The following HPSE2 variants were observed in gnomAD, a reference collection of about 807,000 sequenced individuals.
The protein encoded by HPSE2 is heparanase 2 (inactive).
In HPSE2, 38 loss-of-function variants were observed where a neutral mutation model predicts 60.5. The observed-to-expected ratio is 0.63, with a 90% CI of 0.48 to 0.82. The LOEUF (loss-of-function observed/expected upper bound fraction) is 0.82, where lower values mean the gene tolerates loss of function less well. HPSE2 is among the 40% of genes least tolerant of loss of function. The pLI is 0.00. For synonymous variants in HPSE2, 295 were observed against 293.2 expected, an observed-to-expected ratio of 1.01 and a Z score of -0.06; for missense variants, 713 against 740.4, an observed-to-expected ratio of 0.96 and a Z score of 0.43.
chr10:98,868,774 A>C, intron 3 of HPSE2, among the ~76,000 whole-genome samples: 1 of 152,152 alleles, frequency 6.6e-6, no homozygotes, highest in East Asian at 1.9e-4. Flanking sequence ...GTATCATAGA[A>C]ATTTTGATTG....
At chr10:98,744,581 G>A (rs1175491124) in intron 3 of HPSE2, among the ~76,000 whole-genome samples, 1 of 151,946 alleles carries the variant, frequency 6.6e-6, no homozygotes, top group Admixed American at 6.6e-5. Context: ...AAGCAGCAGA[G>A]AGAATTCCAG....
At chr10:98,635,930 A>C (rs1946487420) in intron 7 of HPSE2, among the ~76,000 whole-genome samples, 1 of 152,200 alleles carries the variant, frequency 6.6e-6, no homozygotes, top group Non-Finnish European at 1.5e-5. Context: ...TGAGGCATAG[A>C]AAGATAAATA....
chr10:98,659,307 G>T (rs562931276), intron 6 of HPSE2, among the ~76,000 whole-genome samples: 2 of 151,984 alleles, frequency 1.3e-5, no homozygotes, highest in Middle Eastern at 6.8e-3. Flanking sequence ...GTACACTCAG[G>T]TTCTGCATCC....
At chr10:99,133,301 G>A (rs1845518739) in intron 3 of HPSE2, among the ~76,000 whole-genome samples, 1 of 152,202 alleles carries the variant, frequency 6.6e-6, no homozygotes, top group African/African-American at 2.4e-5. Flanking sequence ...AGGGGCAGCT[G>A]TGGGTGCAGT....
the HPSE2 span, among the ~76,000 whole-genome samples, chr10:99,286,300 T>G: frequency 6.6e-6 from 1 of 152,150 alleles, no homozygotes; most frequent in African/African-American, 2.4e-5. Context: ...CACAATAACC[T>G]AGAAGGTGAA....
At chr10:98,723,773 T>G (rs1019603729) in intron 4 of HPSE2, among the ~76,000 whole-genome samples, 1 of 152,210 alleles carries the variant, frequency 6.6e-6, no homozygotes. Flanking sequence ...TAGTATTCTC[T>G]GATGATAGTT....
intron 3 of HPSE2, among the ~76,000 whole-genome samples, chr10:99,131,691 T>C (rs1845391340): frequency 6.6e-6 from 1 of 152,050 alleles, no homozygotes; most frequent in Non-Finnish European, 1.5e-5. Flanking sequence ...GGAACTAAGT[T>C]ATGAGGATGC....
intron 9 of HPSE2, among the ~76,000 whole-genome samples, chr10:98,529,762 T>C (rs936473741): frequency 1.3e-4 from 20 of 152,210 alleles, no homozygotes; most frequent in Non-Finnish European, 2.9e-5. Context: ...CTATGCATGA[T>C]TGCCACTGTA....
At chr10:98,668,861 G>A (rs752935594) in intron 6 of HPSE2, among the ~76,000 whole-genome samples, 8 of 152,260 alleles carry the variant, frequency 5.3e-5, no homozygotes, top group East Asian at 1.9e-4. Context: ...TTGTGGCTAA[G>A]TCACCAAAAC....
At chr10:99,141,351 G>A (rs961112210) in intron 3 of HPSE2, among the ~76,000 whole-genome samples, 1 of 152,036 alleles carries the variant, frequency 6.6e-6, no homozygotes, top group African/African-American at 2.4e-5. Flanking sequence ...TGCTCTACTG[G>A]AATTACTCCA....
rs529791603 is a variant in HPSE2 at position 98,815,153 on chromosome 10, T to A, written c.611-71097A>T. On this transcript the variant is annotated intron_variant, in intron 3 of 11. Coordinates refer to ENST00000370552, the MANE Select transcript of HPSE2 (RefSeq NM_021828.5). The stretch of plus-strand genomic sequence containing the variant: ...ATAAAATTAGCCTGGTGTGGTAGCA[T>A]GCACCTGTGGTCCCAGTACTCAGGA... Among the ~76,000 whole-genome samples, 9 of 152,190 alleles carry A rather than the reference T, an allele frequency of 5.9e-5. No homozygotes were observed. The East Asian group carries it at 1.5e-3, about 26-fold the overall frequency.
chr10:98,831,075 C>G (rs1951672642), intron 3 of HPSE2, among the ~76,000 whole-genome samples: 1 of 152,132 alleles, frequency 6.6e-6, no homozygotes. Flanking sequence ...TTTCCTTATA[C>G]AACAGCACAT....
At chr10:99,121,889 G>A (rs1229633710) in intron 3 of HPSE2, among the ~76,000 whole-genome samples, 1 of 152,052 alleles carries the variant, frequency 6.6e-6, no homozygotes, top group Non-Finnish European at 1.5e-5. Context: ...GCTATCAACA[G>A]AAGATCAATT....
At chr10:98,718,537 C>T (rs1589699308) in intron 5 of HPSE2, among the ~76,000 whole-genome samples, 1 of 152,176 alleles carries the variant, frequency 6.6e-6, no homozygotes, top group East Asian at 1.9e-4. Flanking sequence ...ATGGAATCAA[C>T]CTGTGTCCAT....
At chr10:98,997,465 G>A (rs182477778) in intron 3 of HPSE2, among the ~76,000 whole-genome samples, 6 of 152,188 alleles carry the variant, frequency 3.9e-5, no homozygotes, top group Admixed American at 3.3e-4. Context: ...CATCTTAGAG[G>A]CCTTTGATTA....
chr10:99,109,683 G>T (rs1454402152), intron 3 of HPSE2, among the ~76,000 whole-genome samples: 2 of 152,040 alleles, frequency 1.3e-5, no homozygotes, highest in African/African-American at 4.8e-5. Flanking sequence ...AATCAATGTG[G>T]GCCCTGTGTT....
At chr10:98,577,437 T>C (rs1238316343) in intron 9 of HPSE2, among the ~76,000 whole-genome samples, 2 of 152,300 alleles carry the variant, frequency 1.3e-5, no homozygotes, top group Admixed American at 1.3e-4. Context: ...CCCAATGTTA[T>C]TGCTCTGTGG....
At chr10:98,931,942 A>G (rs1954652435) in intron 3 of HPSE2, among the ~76,000 whole-genome samples, 2 of 143,466 alleles carry the variant, frequency 1.4e-5, no homozygotes, top group African/African-American at 5.7e-5. Context: ...CTCTCTTCCT[A>G]TTTGAAATTT....
rs10645866 is a variant in HPSE2 at position 98,492,510 on chromosome 10, C to CAAAAA, written c.1321-2319_1321-2315dup. On this transcript the variant is annotated intron_variant, in intron 9 of 11. Coordinates refer to ENST00000370552, the MANE Select transcript of HPSE2 (RefSeq NM_021828.5). ...GAACGAGATTCCGTCTCAAAAAAGA[C>CAAAAA]AAAAAAAAAAAAAAAAGAAAAGAAA... is the stretch of plus-strand genomic sequence containing the variant. 3.3e-4 allele frequency among the ~76,000 whole-genome samples: 37 copies of CAAAAA among 112,078 alleles called. No homozygotes were observed. In the Middle Eastern group the frequency reaches 0.014, roughly 42 times the overall value. 73.5% of individuals were successfully genotyped at this position (112,078 alleles called of 152,430 possible).
Sources: gnomAD v4.1 joint callset for allele counts (sites outside exome capture counted in the v4.1 genomes callset) on GRCh38, gnomAD v4.1.1 for gene constraint, MANE v1.5 for transcripts, NCBI Gene and HGNC (gene_info 2026-07-23, HGNC 2026-07-21) for gene names.